ZMYM4: variants seen among roughly 807,000 people sequenced by gnomAD.
ZMYM4 encodes zinc finger MYM-type containing 4.
A neutral mutation model predicts 183.2 loss-of-function variants in ZMYM4; 31 were observed. The observed-to-expected ratio is 0.17, with a 90% CI of 0.13 to 0.23. ZMYM4 has a LOEUF of 0.23. ZMYM4 is among the 10% of genes least tolerant of loss of function. The pLI is 1.00. For synonymous variants in ZMYM4, 592 were observed against 631.2 expected (o/e 0.94, Z 0.93); for missense variants, 1,273 against 1,840.3 (o/e 0.69, Z 5.64).
chr1:35,348,698 A>G (rs775669549), intron 2 of ZMYM4, among the ~76,000 whole-genome samples: 2 of 152,206 alleles, frequency 1.3e-5, no homozygotes, highest in Admixed American at 6.5e-5. Flanking sequence ...AGGAGCATCT[A>G]GTAGTTTCAG....
chr1:35,400,233 G>A (rs1169222804), intron 23 of ZMYM4: 4 of 103,152 alleles, frequency 3.9e-5, no homozygotes, highest in Non-Finnish European at 5.1e-5. Flanking sequence ...ACGGAGTTTC[G>A]CTCTGTCACC....
intron 26 of ZMYM4, among the ~76,000 whole-genome samples, chr1:35,411,804 A>T (rs1570552383): frequency 6.6e-6 from 1 of 152,178 alleles, no homozygotes; most frequent in Admixed American, 6.5e-5. Context: ...TTAAGTGTGT[A>T]AGTCTTACAA....
intron 26 of ZMYM4, among the ~76,000 whole-genome samples, chr1:35,410,298 A>G (rs755642022): frequency 1.4e-4 from 21 of 152,254 alleles, no homozygotes; most frequent in Admixed American, 4.6e-4. Context: ...TCCTTTGCCT[A>G]ATTTTTAATT....
chr1:35,355,687 CTT>C (rs1643797521), intron 2 of ZMYM4, among the ~76,000 whole-genome samples: 1 of 151,970 alleles, frequency 6.6e-6, no homozygotes, highest in Non-Finnish European at 1.5e-5. Flanking sequence ...TTATTTATAA[CTT>C]GATCTTTTAT....
In ZMYM4 at chr1:35,398,435, A is replaced by T. The variant is rs1204019440; in HGVS notation, c.3222A>T (p.Glu1074Asp). 1 of 1,611,286 alleles carries T rather than the reference A, an allele frequency of 6.2e-7. No individual in the cohort carries two copies. Among genetic ancestry groups the T allele is most frequent in the Non-Finnish European group, 8.5e-7 (1 of 1,179,062 alleles). The change falls in exon 21 of 30, where the codon GAA becomes GAT. Residue 1074 changes from glutamate (E) to aspartate (D), a missense_variant. Physicochemically the swap from Glu to Asp is conservative, Grantham distance 45. Transcript: ENST00000314607. Reference sequence around the variant, plus strand: ...TAGAGTCCCAAACTTCTGAACACGAACTCTTTCTAGACACCAAGATATTTG... The same window carrying T: ...TAGAGTCCCAAACTTCTGAACACGATCTCTTTCTAGACACCAAGATATTTG... ...SQGESQTSEH[E>D]LFLDTKIFEK...
chr1:35,376,478 AT>A (rs2148952003), intron 7 of ZMYM4, among the ~76,000 whole-genome samples: 1 of 152,234 alleles, frequency 6.6e-6, no homozygotes, highest in Admixed American at 6.5e-5. Flanking sequence ...TTGTTTCTTC[AT>A]TTATATTTTT....
intron 1 of ZMYM4, among the ~76,000 whole-genome samples, chr1:35,291,307 G>GT (rs1640749808): frequency 6.6e-6 from 1 of 151,778 alleles, no homozygotes; most frequent in Non-Finnish European, 1.5e-5. Context: ...GCAGAAATAG[G>GT]GTGCCGGGTC....
Position 35,381,298 on chromosome 1 carries a change from T to C in ZMYM4, c.1221T>C (p.Phe407=). The C allele has an allele frequency of 1.9e-6, 3 of 1,611,850 alleles. No homozygotes were observed. The South Asian group carries it at 3.3e-5, about 18-fold the overall frequency. The change falls in exon 8 of 30, where the codon TTT becomes TTC. Residue 407 remains phenylalanine (F), a synonymous_variant. Transcript: ENST00000314607. ...LNPKDVISAQ[F]ENTTTSKDFC... ...CAAAGGATGTGATCAGTGCCCAGTTTGAAAACACCACCACTAGTAAAGATT... is the reference window on the plus strand; with the variant it reads ...CAAAGGATGTGATCAGTGCCCAGTTCGAAAACACCACCACTAGTAAAGATT...
intron 13 of ZMYM4, 136 bp from the exon 14 acceptor site, chr1:35,388,774 G>A: frequency 1.4e-6 from 1 of 721,058 alleles, no homozygotes; most frequent in South Asian, 1.8e-5. Flanking sequence ...CTGGGCTCAA[G>A]CACTCCTCCC....
intron 1 of ZMYM4, among the ~76,000 whole-genome samples, chr1:35,303,871 T>G (rs182788560): frequency 6.6e-6 from 1 of 152,178 alleles, no homozygotes; most frequent in African/African-American, 2.4e-5. Flanking sequence ...CTTCTTTAAG[T>G]TATATCAATA....
At chr1:35,279,871 A>G (rs1189914380) in intron 1 of ZMYM4, among the ~76,000 whole-genome samples, 1 of 152,216 alleles carries the variant, frequency 6.6e-6, no homozygotes, top group Non-Finnish European at 1.5e-5. Context: ...ATTGATATGA[A>G]CCAAAATGTT....
At chr1:35,281,838 G>A (rs1640183320) in intron 1 of ZMYM4, among the ~76,000 whole-genome samples, 1 of 152,024 alleles carries the variant, frequency 6.6e-6, no homozygotes, top group Non-Finnish European at 1.5e-5. Flanking sequence ...CCAGCCTCTG[G>A]TAAACTTTAA....
intron 23 of ZMYM4, among the ~76,000 whole-genome samples, chr1:35,403,699 T>TATTTGTATAATTTCTTTAACTATGATAGA (rs745473535): frequency 1.3e-5 from 2 of 151,570 alleles, no homozygotes; most frequent in East Asian, 2.0e-4. Flanking sequence ...CTTTTTCTTC[T>TATTTGTATAATTTCTTTAACTATGATAGA]ATTTGTATAA....
chr1:35,310,903 G>A (rs1401391847), intron 1 of ZMYM4, among the ~76,000 whole-genome samples: 1 of 151,904 alleles, frequency 6.6e-6, no homozygotes, highest in Admixed American at 6.6e-5. Context: ...TAATTCACAC[G>A]AGTATGAAAA....
chr1:35,381,745 C>T lies in ZMYM4; in HGVS notation c.1556C>T (p.Thr519Met), dbSNP rs200696498. 122 of 1,613,994 alleles carry T rather than the reference C, an allele frequency of 7.6e-5. No homozygotes were observed. Among genetic ancestry groups the T allele is most frequent in the Non-Finnish European group, 8.7e-5 (103 of 1,180,024 alleles). ...SKKFCSSSCI[T>M]AYKQKSAKIT... ...AAGTTTTGTAGTTCATCGTGTATCACGGCATACAAGCAGGTACATGACCAT... is the reference window on the plus strand; with the variant it reads ...AAGTTTTGTAGTTCATCGTGTATCATGGCATACAAGCAGGTACATGACCAT... The change falls in exon 9 of 30, where the codon ACG (threonine) becomes ATG (methionine). Residue 519 changes from threonine (T) to methionine (M), a missense_variant. By Grantham distance (81) the Thr-to-Met change is moderately conservative. Coordinates refer to ENST00000314607, the MANE Select transcript of ZMYM4 (RefSeq NM_005095.3).
intron 2 of ZMYM4, among the ~76,000 whole-genome samples, chr1:35,349,657 G>T (rs1276938790): frequency 6.7e-6 from 1 of 150,162 alleles, no homozygotes; most frequent in African/African-American, 2.5e-5. Flanking sequence ...GTGAAACCTC[G>T]TCTCTACTAA....
intron 1 of ZMYM4, among the ~76,000 whole-genome samples, chr1:35,304,930 C>T (rs898965994): frequency 4.6e-5 from 7 of 152,148 alleles, no homozygotes; most frequent in African/African-American, 7.2e-5. Flanking sequence ...ACTGCAACTT[C>T]TGACTGCCTG....
intron 2 of ZMYM4, among the ~76,000 whole-genome samples, chr1:35,357,086 T>C (rs1445379864): frequency 6.6e-6 from 1 of 152,168 alleles, no homozygotes; most frequent in Non-Finnish European, 1.5e-5. Flanking sequence ...GATGGGCTTT[T>C]GCTATGTTGC....
chr1:35,336,959 C>T (rs1310758250), intron 2 of ZMYM4, among the ~76,000 whole-genome samples: 1 of 152,200 alleles, frequency 6.6e-6, no homozygotes, highest in East Asian at 1.9e-4. Context: ...TTCATGTGCT[C>T]TTCGTGCTCT....
Sources: gnomAD v4.1 joint callset for allele counts (sites outside exome capture counted in the v4.1 genomes callset) on GRCh38, gnomAD v4.1.1 for gene constraint, MANE v1.5 for transcripts, NCBI Gene and HGNC (gene_info 2026-07-23, HGNC 2026-07-21) for gene names.